PRR16: variants seen among roughly 807,000 people sequenced by gnomAD.
The protein encoded by PRR16 is proline rich 16.
Under a neutral mutation model 18.2 loss-of-function variants are expected in PRR16, and 6 were observed. That is an observed-to-expected ratio of 0.33 (90% CI 0.18 to 0.65). The LOEUF is 0.65. Ranked by LOEUF, PRR16 falls within the 30% of genes least tolerant of loss-of-function variation. PRR16 has a pLI of 0.74. For missense variants in PRR16, 412 were observed against 376.6 expected (o/e 1.09, Z -0.78); for synonymous variants, 151 against 147.8 (o/e 1.02, Z -0.16).
the PRR16 span, among the ~76,000 whole-genome samples, chr5:120,768,039 C>A: frequency 1.3e-5 from 2 of 151,762 alleles, no homozygotes; most frequent in African/African-American, 4.8e-5. Context: ...GTTATCACCC[C>A]AGAAAGAAAC....
chr5:120,475,984 A>G (rs1749428948), intron 1 of PRR16, among the ~76,000 whole-genome samples: 1 of 152,140 alleles, frequency 6.6e-6, no homozygotes, highest in African/African-American at 2.4e-5. Flanking sequence ...AGTCTTGTTG[A>G]TTCTTGCTGA....
intron 1 of PRR16, among the ~76,000 whole-genome samples, chr5:120,467,366 C>T (rs1019168111): frequency 2.6e-5 from 4 of 152,100 alleles, no homozygotes; most frequent in African/African-American, 9.7e-5. Flanking sequence ...GTAGTTATGA[C>T]TATATCACTA....
chr5:120,731,648 G>C, the PRR16 span, among the ~76,000 whole-genome samples: 1 of 152,142 alleles, frequency 6.6e-6, no homozygotes, highest in Non-Finnish European at 1.5e-5. Context: ...GCATTTATCT[G>C]CTCCTTTAGT....
intron 1 of PRR16, among the ~76,000 whole-genome samples, chr5:120,494,880 A>G (rs1474477099): frequency 6.6e-6 from 1 of 151,876 alleles, no homozygotes; most frequent in African/African-American, 2.4e-5. Flanking sequence ...GGTCCTTTAT[A>G]AAAAAATCAG....
chr5:120,488,667 T>A lies in PRR16; in HGVS notation c.159+24022T>A, dbSNP rs540227321. Among the ~76,000 whole-genome samples the A allele has an allele frequency of 4.4e-3, 674 of 152,312 alleles. 9 individuals are homozygous for A. Among genetic ancestry groups the A allele is most frequent in the African/African-American group, 0.016 (655 of 41,572 alleles). On this transcript the variant is annotated intron_variant, in intron 1 of 1. Coordinates refer to ENST00000407149, the MANE Select transcript of PRR16 (RefSeq NM_001300783.2). The stretch of plus-strand genomic sequence containing the variant: ...ATTTCCTTCAGTTCTGCTCTGATTT[T>A]AGTTATTTCTTGCCTTCTGCTAGCT...
chr5:120,622,628 G>A (rs1409043830), intron 1 of PRR16, among the ~76,000 whole-genome samples: 7 of 151,882 alleles, frequency 4.6e-5, no homozygotes, highest in East Asian at 1.9e-4. Flanking sequence ...ACAGGCATGC[G>A]CCACCATGCC....
chr5:120,771,002 A>G, the PRR16 span, among the ~76,000 whole-genome samples: 4 of 147,764 alleles, frequency 2.7e-5, no homozygotes, highest in Admixed American at 6.8e-5. Flanking sequence ...TTGAATGTCT[A>G]TCTTTATTAT....
At chr5:120,506,021 A>G (rs1421486505) in intron 1 of PRR16, among the ~76,000 whole-genome samples, 1 of 150,630 alleles carries the variant, frequency 6.6e-6, no homozygotes, top group African/African-American at 2.4e-5. Flanking sequence ...TTACTTCATC[A>G]TGTTCACTTG....
chr5:120,758,376 T>C, the PRR16 span, among the ~76,000 whole-genome samples: 1 of 151,278 alleles, frequency 6.6e-6, no homozygotes, highest in Non-Finnish European at 1.5e-5. Flanking sequence ...TTAGATGTTA[T>C]CAGCTTTTAT....
Position 120,603,702 on chromosome 5 carries a change from A to G in PRR16, c.160-82252A>G, listed in dbSNP as rs1043092738. ...TTAATGTAGGGATTTAGTACAATAT[A>G]CTTTCCTCATAACACTGCTTTAGCT... On this transcript the variant is annotated intron_variant, in intron 1 of 1. Coordinates refer to ENST00000407149, the MANE Select transcript of PRR16 (RefSeq NM_001300783.2). 1.4e-4 allele frequency among the ~76,000 whole-genome samples: 21 copies of G among 152,046 alleles called. 1 individual carries two copies. Among genetic ancestry groups the G allele is most frequent in the Non-Finnish European group, 2.2e-4 (15 of 67,938 alleles).
chr5:120,773,585 G>A, the PRR16 span, among the ~76,000 whole-genome samples: 1 of 152,074 alleles, frequency 6.6e-6, no homozygotes, highest in South Asian at 2.1e-4. Flanking sequence ...CTTCAAGTTA[G>A]AATTTATTCT....
chr5:120,647,974 A>G (rs973859614), intron 1 of PRR16, among the ~76,000 whole-genome samples: 1 of 152,122 alleles, frequency 6.6e-6, no homozygotes, highest in Non-Finnish European at 1.5e-5. Flanking sequence ...ACTATTAGAT[A>G]TAGCATTTTG....
At chr5:120,769,673 G>T in the PRR16 span, among the ~76,000 whole-genome samples, 1 of 151,828 alleles carries the variant, frequency 6.6e-6, no homozygotes, top group Non-Finnish European at 1.5e-5. Flanking sequence ...ATGAACATTG[G>T]AATGCAGATT....
At chr5:120,542,120 G>A (rs766751907) in intron 1 of PRR16, among the ~76,000 whole-genome samples, 3 of 152,014 alleles carry the variant, frequency 2.0e-5, no homozygotes, top group Non-Finnish European at 4.4e-5. Context: ...TTTCTCAGGG[G>A]CACTGTAATT....
intron 1 of PRR16, among the ~76,000 whole-genome samples, chr5:120,493,086 G>T (rs1490218527): frequency 1.3e-5 from 2 of 152,154 alleles, no homozygotes; most frequent in Non-Finnish European, 2.9e-5. Flanking sequence ...CAGCAGAGTT[G>T]CTGGGTTGAA....
At position 120,666,380 on chromosome 5, in the gene PRR16, G is replaced by C. The variant is rs868554923; in HGVS notation, c.160-19574G>C. Among the ~76,000 whole-genome samples, 893 of 152,118 alleles carry C rather than the reference G, an allele frequency of 5.9e-3. 2 individuals carry two copies. Among genetic ancestry groups the C allele is most frequent in the South Asian group, 0.027 (132 of 4,808 alleles). On this transcript the variant is annotated intron_variant, in intron 1 of 1. Coordinates refer to ENST00000407149, the MANE Select transcript of PRR16 (RefSeq NM_001300783.2). ...TGGGCTGAGACAATGGGGTTTTCTA[G>C]ATATACAATCATGTCATCTGCAAAC...
intron 1 of PRR16, among the ~76,000 whole-genome samples, chr5:120,620,361 TG>T (rs1300223700): frequency 6.6e-6 from 1 of 152,138 alleles, no homozygotes; most frequent in African/African-American, 2.4e-5. Flanking sequence ...GCTCCACAAA[TG>T]GGTACAGTGA....
chr5:120,618,585 T>C, intron 1 of PRR16: 4 of 917,716 alleles, frequency 4.4e-6, no homozygotes, highest in Non-Finnish European at 5.2e-6. Flanking sequence ...AAAGAAGTTA[T>C]AGCAAATCAC....
intron 1 of PRR16, among the ~76,000 whole-genome samples, chr5:120,502,870 T>G (rs1750510387): frequency 6.6e-6 from 1 of 152,214 alleles, no homozygotes. Flanking sequence ...AAGTGGTTTC[T>G]TCTTATTCAG....
Sources: gnomAD v4.1 joint callset for allele counts (sites outside exome capture counted in the v4.1 genomes callset) on GRCh38, gnomAD v4.1.1 for gene constraint, MANE v1.5 for transcripts, NCBI Gene and HGNC (gene_info 2026-07-23, HGNC 2026-07-21) for gene names.